The following TRIM9 variants were observed in gnomAD, a reference collection of about 807,000 sequenced individuals.
TRIM9 encodes E3 ubiquitin-protein ligase TRIM9.
TRIM9 carries 26 observed loss-of-function variants against 78.3 expected under a neutral mutation model. The observed-to-expected ratio is 0.33, with a 90% CI of 0.24 to 0.46. The LOEUF (loss-of-function observed/expected upper bound fraction) is 0.46, where lower values mean the gene tolerates loss of function less well. Among genes scored for constraint, TRIM9 ranks in the 20% least tolerant of loss-of-function variants. The pLI is 1.00. For synonymous variants in TRIM9, 398 were observed against 416.5 expected (o/e 0.96, Z 0.54); for missense variants, 787 against 1,036.4 (o/e 0.76, Z 3.30).
At chr14:50,986,750 G>A (rs1374516546) in intron 7 of TRIM9, among the ~76,000 whole-genome samples, 1 of 152,190 alleles carries the variant, frequency 6.6e-6, no homozygotes, top group Admixed American at 6.5e-5. Flanking sequence ...AGTAAGCAGG[G>A]AAAGAGCCTT....
At chr14:51,052,101 C>T (rs991647374) in intron 1 of TRIM9, among the ~76,000 whole-genome samples, 13 of 151,878 alleles carry the variant, frequency 8.6e-5, no homozygotes, top group African/African-American at 2.7e-4. Flanking sequence ...AAGGAATAGT[C>T]GAACCATCCA....
intron 1 of TRIM9, among the ~76,000 whole-genome samples, chr14:51,037,323 A>T (rs150101900): frequency 2.4e-4 from 37 of 152,314 alleles, no homozygotes; most frequent in African/African-American, 7.5e-4. Context: ...CAAGTGCAAC[A>T]TGGTTCCCAC....
chr14:51,060,204 G>T (rs977945143), intron 1 of TRIM9, among the ~76,000 whole-genome samples: 1 of 152,164 alleles, frequency 6.6e-6, no homozygotes, highest in Non-Finnish European at 1.5e-5. Flanking sequence ...TTTATGTGGT[G>T]AGAATCTCAA....
At chr14:51,038,068 C>T (rs1232059501) in intron 1 of TRIM9, among the ~76,000 whole-genome samples, 1 of 152,042 alleles carries the variant, frequency 6.6e-6, no homozygotes, top group Non-Finnish European at 1.5e-5. Flanking sequence ...ATCCCCAGAA[C>T]CGGTGATTTT....
chr14:50,977,487 T>A, intron 12 of TRIM9, 134 bp from the exon 13 acceptor site: 1 of 577,526 alleles, frequency 1.7e-6, no homozygotes, highest in Non-Finnish European at 2.6e-6. Flanking sequence ...TAGCAGGCAT[T>A]AAACGGAATT....
rs542915622 is a variant in TRIM9 at position 51,001,337 on chromosome 14, C to G, written c.1307-497G>C. On this transcript the variant is annotated intron_variant, in intron 5 of 12. Transcript: ENST00000684578. Reference sequence around the variant, plus strand: ...CTCCGCCTCCCGGGTTCACACCATTCTCCTGCCTCAGCCTCCGGAGTAGCT... The same window carrying G: ...CTCCGCCTCCCGGGTTCACACCATTGTCCTGCCTCAGCCTCCGGAGTAGCT... Among the ~76,000 whole-genome samples the G allele has an allele frequency of 4.6e-5, 7 of 150,826 alleles. No individual in the cohort carries two copies. The East Asian group carries it at 1.4e-3, about 30-fold the overall frequency.
At chr14:50,996,263 T>C (rs1187033053) in intron 7 of TRIM9, 1 of 985,326 alleles carries the variant, frequency 1.0e-6, no homozygotes, top group Non-Finnish European at 1.2e-6. Flanking sequence ...GAGAACTTGT[T>C]CCGTTTGTTT....
At chr14:51,035,335 A>C (rs1040194765) in intron 1 of TRIM9, among the ~76,000 whole-genome samples, 1 of 152,198 alleles carries the variant, frequency 6.6e-6, no homozygotes, top group African/African-American at 2.4e-5. Flanking sequence ...GTATAGATCT[A>C]AGTGGAAACT....
At chr14:51,041,604 G>T (rs1441801680) in intron 1 of TRIM9, among the ~76,000 whole-genome samples, 1 of 152,202 alleles carries the variant, frequency 6.6e-6, no homozygotes, top group Non-Finnish European at 1.5e-5. Context: ...GACTCCCAGG[G>T]CAGTTCTTAA....
rs556222308 is a variant in TRIM9, at chr14:50,998,712, C to T, written c.1465-524G>A. ...TCACAGAGATTACACTCCAAGCCACCGGGGATAGGTTTTCATCACAGTACA... is the reference window on the plus strand; with the variant it reads ...TCACAGAGATTACACTCCAAGCCACTGGGGATAGGTTTTCATCACAGTACA... On this transcript the variant is annotated intron_variant, in intron 6 of 12. Coordinates refer to ENST00000684578, the MANE Select transcript of TRIM9 (RefSeq NM_001387360.1). 5.3e-5 allele frequency among the ~76,000 whole-genome samples: 8 copies of T among 152,182 alleles called. No homozygotes were observed. The East Asian group carries it at 5.8e-4, about 11-fold the overall frequency.
chr14:51,024,150 T>A lies in TRIM9; in HGVS notation c.918+1115A>T, dbSNP rs988604108. Among the ~76,000 whole-genome samples, 8 of 152,198 alleles carry A rather than the reference T, an allele frequency of 5.3e-5. No individual in the cohort carries two copies. In the South Asian group the frequency reaches 1.2e-3, roughly 24 times the overall value. On this transcript the variant is annotated intron_variant, in intron 2 of 12. Coordinates refer to ENST00000684578, the MANE Select transcript of TRIM9 (RefSeq NM_001387360.1). ...TGCAGGGTAATATTGGAGGGTGGGG[T>A]GAGGGGAAACCTTCTCCTTGTAAGC...
At chr14:51,080,436 AACACACACACAC>A (rs34062978) in intron 1 of TRIM9, among the ~76,000 whole-genome samples, 8,311 of 143,936 alleles carry the variant, frequency 0.058, 305 homozygotes, top group South Asian at 0.12. Flanking sequence ...AGTTTTATTG[AACACACACACAC>A]ACACACACAC....
At chr14:51,020,891 G>C (rs1184507505) in intron 3 of TRIM9, among the ~76,000 whole-genome samples, 1 of 152,156 alleles carries the variant, frequency 6.6e-6, no homozygotes, top group African/African-American at 2.4e-5. Flanking sequence ...TGTGACTGTC[G>C]CAAACTGTTC....
At chr14:50,982,786 A>C in intron 10 of TRIM9, 156 bp downstream of exon 10, 1 of 635,978 alleles carries the variant, frequency 1.6e-6, no homozygotes, top group South Asian at 2.8e-5. Flanking sequence ...TGCAGATAGA[A>C]TGATGTCTTT....
intron 5 of TRIM9, among the ~76,000 whole-genome samples, chr14:51,002,900 A>G (rs1177725093): frequency 6.6e-6 from 1 of 152,252 alleles, no homozygotes; most frequent in Non-Finnish European, 1.5e-5. Context: ...AGGAGAAGAA[A>G]TCATGTTTTA....
intron 1 of TRIM9, among the ~76,000 whole-genome samples, chr14:51,071,267 T>C (rs765380593): frequency 5.3e-5 from 8 of 150,870 alleles, no homozygotes; most frequent in Non-Finnish European, 1.0e-4. Context: ...TCCCAGCTAC[T>C]CTGGAGGCTG....
chr14:51,016,908 G>A (rs2057270955), intron 3 of TRIM9, among the ~76,000 whole-genome samples: 1 of 152,186 alleles, frequency 6.6e-6, no homozygotes, highest in Admixed American at 6.5e-5. Context: ...AGGGCTGACT[G>A]TACTTTTAAG....
intron 5 of TRIM9, among the ~76,000 whole-genome samples, chr14:51,007,052 ATG>A (rs1386063907): frequency 6.6e-6 from 1 of 152,154 alleles, no homozygotes; most frequent in African/African-American, 2.4e-5. Context: ...AGGGCAATGA[ATG>A]GGGGAGGAGA....
chr14:51,022,478 G>A (rs951775147), intron 3 of TRIM9, among the ~76,000 whole-genome samples: 5 of 152,182 alleles, frequency 3.3e-5, no homozygotes, highest in African/African-American at 1.2e-4. Flanking sequence ...CACCCAGTCT[G>A]TGGGATTCCG....
Sources: allele counts gnomAD v4.1 joint callset (sites outside exome capture counted in the v4.1 genomes callset), GRCh38; gene constraint gnomAD v4.1.1; transcripts MANE v1.5; gene names NCBI Gene and HGNC (gene_info 2026-07-23, HGNC 2026-07-21).